CTNNA2: variants seen among roughly 807,000 people sequenced by gnomAD.
CTNNA2 encodes catenin alpha 2.
Under a neutral mutation model 101.0 loss-of-function variants are expected in CTNNA2, and 42 were observed. The observed-to-expected ratio is 0.42, with a 90% CI of 0.32 to 0.54. The LOEUF is 0.54. Ranked by LOEUF, CTNNA2 falls within the 20% of genes least tolerant of loss-of-function variation. The probability of loss-of-function intolerance (pLI) is 0.14; values close to 1 mark genes in which losing one functional copy is unlikely to be tolerated. For missense variants in CTNNA2, 871 were observed against 1,223.1 expected (o/e 0.71, Z 4.29); for synonymous variants, 450 against 456.4 (o/e 0.99, Z 0.18).
rs1027936629 is a variant in CTNNA2, at chr2:79,619,273, T to C, written c.-5-32279T>C. On this transcript the variant is annotated intron_variant, in intron 1 of 18. Coordinates refer to ENST00000402739, the MANE Select transcript of CTNNA2 (RefSeq NM_001282597.3). ...GAAGAATGAGCATATTCTATCCTTA[T>C]GTGGTGGTGGGAAAAGACTAAGAAA... Among the ~76,000 whole-genome samples the C allele has an allele frequency of 4.5e-4, 69 of 152,152 alleles. 1 individual carries two copies. The highest frequency in any genetic ancestry group is 3.5e-4 in the Non-Finnish European group (24 of 68,032).
At chr2:80,523,321 G>A (rs1295102986) in intron 9 of CTNNA2, among the ~76,000 whole-genome samples, 8 of 152,108 alleles carry the variant, frequency 5.3e-5, no homozygotes, top group Admixed American at 5.2e-4. Context: ...CCCGGTGCAT[G>A]GAGAGAGGCA....
chr2:79,602,995 G>T (rs1677648384), intron 1 of CTNNA2, among the ~76,000 whole-genome samples: 1 of 152,066 alleles, frequency 6.6e-6, no homozygotes, highest in African/African-American at 2.4e-5. Context: ...CCCAAAGATA[G>T]TCAAAATTTA....
rs111268878 is a variant in CTNNA2, at chr2:80,382,813, T to G, written c.1057-10398T>G. Among the ~76,000 whole-genome samples the G allele has an allele frequency of 6.3e-4, 96 of 152,322 alleles. 1 individual carries two copies. Among genetic ancestry groups the G allele is most frequent in the African/African-American group, 2.2e-3 (92 of 41,566 alleles). On this transcript the variant is annotated intron_variant, in intron 7 of 18. Coordinates refer to ENST00000402739, the MANE Select transcript of CTNNA2 (RefSeq NM_001282597.3). ...AAAAATGCCAGACTCTAGGGATTCT[T>G]TAGGTGTTGAAAGCTTTAACAGTAG... is the stretch of plus-strand genomic sequence containing the variant.
chr2:79,715,418 G>A (rs1686027476), intron 2 of CTNNA2, among the ~76,000 whole-genome samples: 1 of 152,082 alleles, frequency 6.6e-6, no homozygotes, highest in Admixed American at 6.6e-5. Flanking sequence ...TTTGGGGGCA[G>A]TACAGTAAAG....
At chr2:79,814,581 T>C (rs1426993215) in intron 3 of CTNNA2, among the ~76,000 whole-genome samples, 2 of 150,952 alleles carry the variant, frequency 1.3e-5, no homozygotes, top group African/African-American at 4.9e-5. Context: ...TTCATGGCTG[T>C]GTAGTATTCC....
chr2:79,601,784 A>G (rs1365979545), intron 1 of CTNNA2, among the ~76,000 whole-genome samples: 1 of 152,218 alleles, frequency 6.6e-6, no homozygotes, highest in Non-Finnish European at 1.5e-5. Context: ...CACAATTACA[A>G]CTGAAAATAC....
At chr2:79,802,118 AC>A (rs1193643245) in intron 3 of CTNNA2, among the ~76,000 whole-genome samples, 3 of 152,154 alleles carry the variant, frequency 2.0e-5, no homozygotes, top group African/African-American at 7.2e-5. Context: ...CAGAACTAGT[AC>A]TGCATCCTAG....
chr2:80,261,907 C>T (rs760813938), intron 7 of CTNNA2, among the ~76,000 whole-genome samples: 25 of 152,152 alleles, frequency 1.6e-4, no homozygotes, highest in Non-Finnish European at 2.8e-4. Flanking sequence ...TTACACATTG[C>T]TAATGAACCT....
At chr2:80,598,595 G>A (rs1260512252) in intron 15 of CTNNA2, among the ~76,000 whole-genome samples, 1 of 152,142 alleles carries the variant, frequency 6.6e-6, no homozygotes, top group Admixed American at 6.6e-5. Context: ...AATTACGTCA[G>A]GTTTATTTGT....
chr2:79,644,976 G>GT (rs1170199536), intron 1 of CTNNA2, among the ~76,000 whole-genome samples: 4 of 151,306 alleles, frequency 2.6e-5, no homozygotes, highest in Non-Finnish European at 5.9e-5. Context: ...TTCAAGTTTT[G>GT]TTTTTTGTTT....
intron 3 of CTNNA2, among the ~76,000 whole-genome samples, chr2:79,816,182 C>G (rs1284286535): frequency 1.3e-5 from 2 of 152,058 alleles, no homozygotes; most frequent in African/African-American, 2.4e-5. Context: ...TCAAGGTAAA[C>G]AATCATATCG....
chr2:79,433,624 G>GAAA (rs200656588), intron 4 of CTNNA2, among the ~76,000 whole-genome samples: 2 of 95,698 alleles, frequency 2.1e-5, no homozygotes, highest in African/African-American at 4.2e-5. Flanking sequence ...TGCCTTTGAG[G>GAAA]AAAAAAAAAA....
intron 2 of CTNNA2, among the ~76,000 whole-genome samples, chr2:79,735,583 T>C (rs1573827766): frequency 6.6e-6 from 1 of 152,220 alleles, no homozygotes; most frequent in East Asian, 1.9e-4. Flanking sequence ...CTTCAGGAAA[T>C]GTAGACCACA....
chr2:80,367,499 T>C (rs897579748), intron 7 of CTNNA2, among the ~76,000 whole-genome samples: 7 of 152,148 alleles, frequency 4.6e-5, no homozygotes, highest in African/African-American at 1.4e-4. Context: ...TATCTTAAGA[T>C]TTTAAAACTT....
At chr2:80,236,370 G>A (rs13420343) in intron 7 of CTNNA2, among the ~76,000 whole-genome samples, 24,017 of 152,130 alleles carry the variant, frequency 0.16, 4,819 homozygotes, top group African/African-American at 0.47. Context: ...CCCACTTTCT[G>A]TATCTTGCAC....
chr2:79,939,176 T>A (rs546179372), intron 7 of CTNNA2, among the ~76,000 whole-genome samples: 18 of 152,058 alleles, frequency 1.2e-4, no homozygotes, highest in East Asian at 3.9e-4. Flanking sequence ...TTAGCAATTT[T>A]AAAAAAAATA....
intron 4 of CTNNA2, among the ~76,000 whole-genome samples, chr2:79,477,104 G>T (rs1671057943): frequency 6.7e-6 from 1 of 150,098 alleles, no homozygotes; most frequent in Non-Finnish European, 1.5e-5. Flanking sequence ...GAGTTTTAAT[G>T]TTAATAGAGA....
chr2:79,882,155 G>GCCTTGTAACCAAACTTAGACCCCA (rs1683478849), intron 6 of CTNNA2, among the ~76,000 whole-genome samples: 4 of 152,256 alleles, frequency 2.6e-5, no homozygotes, highest in Admixed American at 2.0e-4. Context: ...CTGGCTTGTA[G>GCCTTGTAACCAAACTTAGACCCCA]AGTTTCTGCT....
chr2:80,186,480 TG>T (rs1706135820), intron 7 of CTNNA2, among the ~76,000 whole-genome samples: 1 of 152,220 alleles, frequency 6.6e-6, no homozygotes, highest in African/African-American at 2.4e-5. Flanking sequence ...AAATAGGCTC[TG>T]GGTGTTTGGT....
Sources: allele counts gnomAD v4.1 joint callset (sites outside exome capture counted in the v4.1 genomes callset), GRCh38; gene constraint gnomAD v4.1.1; transcripts MANE v1.5; gene names NCBI Gene and HGNC (gene_info 2026-07-23, HGNC 2026-07-21).